The following RTEL1 variants were observed in gnomAD, a reference collection of about 807,000 sequenced individuals.
RTEL1 encodes the protein regulator of telomere elongation helicase 1.
A neutral mutation model predicts 162.2 loss-of-function variants in RTEL1; 86 were observed. That is an observed-to-expected ratio of 0.53 (90% confidence interval 0.45 to 0.63). RTEL1 has a LOEUF of 0.63. RTEL1 is among the 30% of genes least tolerant of loss of function. RTEL1 has a pLI of 0.00. For missense variants in RTEL1, 1,941 were observed against 1,750.2 expected (o/e 1.11, Z -1.95); for synonymous variants, 958 against 717.9 (o/e 1.33, Z -5.35).
At chr20:63,658,169 G>A (rs908821994), upstream of RTEL1, 1 of 152,358 alleles carries the variant, frequency 6.6e-6, no homozygotes. Flanking sequence ...GGCGATGGAA[G>A]TGAGGTTCAC....
intron 9 of RTEL1, 84 bp from the exon 10 acceptor site, chr20:63,673,856 T>G: frequency 6.7e-7 from 1 of 1,487,454 alleles, no homozygotes; most frequent in Non-Finnish European, 9.1e-7. Flanking sequence ...CTCCTGTGCC[T>G]TCTGCACCCC....
intron 2 of RTEL1, 93 bp downstream of exon 2, chr20:63,659,597 C>G: frequency 1.1e-6 from 1 of 932,586 alleles, no homozygotes; most frequent in Non-Finnish European, 1.7e-6. Flanking sequence ...TCCAGCCAGG[C>G]CCCTCCGGGC....
At chr20:63,678,008 G>A (rs2090390313) in intron 10 of RTEL1, 137 bp from the exon 11 acceptor site, 15 of 940,318 alleles carry the variant, frequency 1.6e-5, no homozygotes, top group Non-Finnish European at 2.5e-5. Context: ...GGTGGATTTG[G>A]CCTGCATGGA....
chr20:63,689,809 C>G lies in RTEL1; in HGVS notation c.2085C>G (p.Ile695Met). ...CGTCCAGGGCTGTGAACCAGGCCAT[C>G]GGGCGAGTGATCCGGCACCGCCAGG... ...QQASRAVNQA[I>M]GRVIRHRQDY... Residue 695 changes from isoleucine to methionine, a missense_variant, in exon 24 of 35, where the codon ATC becomes ATG. Coordinates refer to ENST00000360203, the MANE Select transcript of RTEL1 (RefSeq NM_001283009.2). 4 of 1,612,010 alleles carry G rather than the reference C, an allele frequency of 2.5e-6. No homozygotes were observed. The highest frequency in any genetic ancestry group is 3.4e-6 in the Non-Finnish European group (4 of 1,179,760).
chr20:63,690,616 C>T (rs1018158033), intron 26 of RTEL1, among the ~76,000 whole-genome samples, 175 bp downstream of exon 26: 3 of 152,144 alleles, frequency 2.0e-5, no homozygotes, highest in African/African-American at 7.2e-5. Context: ...CTGCAACCCT[C>T]CCCTACAGGC....
At chr20:63,692,709 C>A (rs2090780328) in intron 28 of RTEL1, 96 bp from the exon 29 acceptor site, 21 of 1,229,264 alleles carry the variant, frequency 1.7e-5, no homozygotes, top group Non-Finnish European at 2.3e-5. Flanking sequence ...CAGTCACTGT[C>A]CCAGGGAACG....
chr20:63,688,259 G>A (rs2090641480), intron 19 of RTEL1, 42 bp from the exon 20 acceptor site: 1 of 1,609,504 alleles, frequency 6.2e-7, no homozygotes, highest in Admixed American at 1.7e-5. Context: ...GAACCCTGCA[G>A]ACATCCTGCC....
chr20:63,695,526 C>T lies in RTEL1; in HGVS notation c.3698C>T (p.Ala1233Val). 1 of 1,612,232 alleles carries T rather than the reference C, an allele frequency of 6.2e-7. No homozygotes were observed. Residue 1233 changes from alanine (A) to valine (V), a missense_variant, in exon 34 of 35, where the codon GCT becomes GTT. Transcript: ENST00000360203. The part of the protein sequence containing the change: ...RDIAGQQATG[A>V]PGGPLSAGCV... The stretch of plus-strand genomic sequence containing the variant: ...ATCGCTGGGCAGCAGGCCACGGGAG[C>T]TCCGGGCGGGCCCCTCTCAGCAGGC...
chr20:63,693,242 T>C lies in RTEL1; in HGVS notation c.2951T>C (p.Ile984Thr). 2 of 1,612,024 alleles carry C rather than the reference T, an allele frequency of 1.2e-6. No homozygotes were observed. Among genetic ancestry groups the C allele is most frequent in the Non-Finnish European group, 1.7e-6 (2 of 1,179,464 alleles). ...TGTGGCTATCGGCCTGAGCACAGCA[T>C]TCCCCGAAGGCAGCGGGCACAGCCG... is the stretch of plus-strand genomic sequence containing the variant. Reference protein sequence around the residue: ...RGCGYRPEHSIPRRQRAQPVL... With the variant: ...RGCGYRPEHSTPRRQRAQPVL... Residue 984 changes from isoleucine to threonine, a missense_variant, in exon 30 of 35, where the codon ATT becomes ACT. By Grantham distance (89) the Ile-to-Thr change is moderately conservative. Transcript: ENST00000360203.
intron 8 of RTEL1, 25 bp from the exon 9 acceptor site, chr20:63,672,531 T>C (rs770786730): frequency 1.3e-6 from 2 of 1,555,952 alleles, no homozygotes; most frequent in Non-Finnish European, 1.7e-6. Flanking sequence ...GCTCCAGCGC[T>C]GCGTCCCTTC....
intron 30 of RTEL1, among the ~76,000 whole-genome samples, chr20:63,693,630 TCCACCACCA>T (rs1568721280): frequency 0.011 from 34 of 3,120 alleles, no homozygotes; most frequent in African/African-American, 0.015. Flanking sequence ...CACCACCACC[TCCACCACCA>T]CCACCTCCAC....
rs774750824 is a variant in RTEL1 at position 63,692,960 on chromosome 20, C to A, written c.2808C>A (p.Gly936=). ...TCGCCGCCCTGGCCGCCTGTCTCGGCCCCCTCTTTGCTGAGGACCCCAAGA... is the reference window on the plus strand; with the variant it reads ...TCGCCGCCCTGGCCGCCTGTCTCGGACCCCTCTTTGCTGAGGACCCCAAGA... ...DDFAALAACL[G]PLFAEDPKKH... is the part of the protein sequence containing the mutation. Residue 936 remains glycine, a synonymous_variant, in exon 29 of 35, where the codon GGC becomes GGA. Transcript: ENST00000360203. The A allele has an allele frequency of 8.7e-6, 14 of 1,612,522 alleles. 1 individual carries two copies. In the East Asian group the frequency reaches 2.2e-4, roughly 26 times the overall value.
Position 63,676,357 on chromosome 20 carries a change from T to C in RTEL1, c.920-1788T>C, listed in dbSNP as rs541622996. ...CAGCCACACGAGTTCCCCGGTTTAC[T>C]CTGAACTTAGGTGGCTTGAGGGCCC... On this transcript the variant is annotated intron_variant, in intron 10 of 34. Transcript: ENST00000360203. 7.0e-4 allele frequency among the ~76,000 whole-genome samples: 107 copies of C among 152,308 alleles called. 2 individuals are homozygous for C. The South Asian group carries it at 8.7e-3, about 12-fold the overall frequency.
At chr20:63,680,076 A>C in intron 13 of RTEL1, 130 bp downstream of exon 13, 3 of 645,120 alleles carry the variant, frequency 4.7e-6, no homozygotes, top group Non-Finnish European at 8.0e-6. Context: ...ACAGAACCTC[A>C]TCTTCTGATC....
rs534016857 is a variant in RTEL1 at position 63,675,156 on chromosome 20, C to T, written c.919+1063C>T. Among the ~76,000 whole-genome samples the T allele has an allele frequency of 5.3e-5, 8 of 152,210 alleles. No homozygotes were observed. In the East Asian group the frequency reaches 9.6e-4, roughly 18 times the overall value. On this transcript the variant is annotated intron_variant, in intron 10 of 34. Coordinates refer to ENST00000360203, the MANE Select transcript of RTEL1 (RefSeq NM_001283009.2). ...CTGACCTCACGTGATCCACCCGCTTCGGCCTCCCAAAGTGCTGGGATTACA... is the reference window on the plus strand; with the variant it reads ...CTGACCTCACGTGATCCACCCGCTTTGGCCTCCCAAAGTGCTGGGATTACA...
intron 5 of RTEL1, 98 bp from the exon 6 acceptor site, chr20:63,662,731 A>G: frequency 6.3e-7 from 1 of 1,593,596 alleles, no homozygotes; most frequent in Non-Finnish European, 8.6e-7. Context: ...TTTGAAGTTC[A>G]CTGGGGGACT....
intron 14 of RTEL1, chr20:63,682,693 G>A: frequency 1.0e-6 from 1 of 985,952 alleles, no homozygotes; most frequent in Non-Finnish European, 1.2e-6. Context: ...GTGCTGGGTT[G>A]GGCCTGCAGC....
intron 6 of RTEL1, among the ~76,000 whole-genome samples, chr20:63,663,583 A>G (rs546314812): frequency 9.2e-5 from 14 of 151,936 alleles, no homozygotes; most frequent in Non-Finnish European, 1.9e-4. Context: ...GGGGCTCATC[A>G]CGGGGTCCTA....
In RTEL1 at chr20:63,689,793, C is replaced by T; in HGVS notation, c.2069C>T (p.Ala690Val). Residue 690 changes from alanine (A) to valine (V), a missense_variant, in exon 24 of 35, where the codon GCT becomes GTT. Ala to Val is a moderately conservative substitution (Grantham distance 64, BLOSUM62 0). Transcript: ENST00000360203. ...TGGTACCGGCAGCAGGCGTCCAGGG[C>T]TGTGAACCAGGCCATCGGGCGAGTG... Reference protein sequence around the residue: ...QEWYRQQASRAVNQAIGRVIR... With the variant: ...QEWYRQQASRVVNQAIGRVIR... The T allele has an allele frequency of 6.2e-7, 1 of 1,612,218 alleles. No homozygotes were observed. The highest frequency in any genetic ancestry group is 8.5e-7 in the Non-Finnish European group (1 of 1,179,776).
Sources: allele counts gnomAD v4.1 joint callset (sites outside exome capture counted in the v4.1 genomes callset), GRCh38; gene constraint gnomAD v4.1.1; transcripts MANE v1.5; gene names NCBI Gene and HGNC (gene_info 2026-07-23, HGNC 2026-07-21).